Variants in ADAMTSL3 observed in about 807,000 individuals in gnomAD.
ADAMTSL3 encodes the protein ADAMTS like 3.
In ADAMTSL3, 128 loss-of-function variants were observed where a neutral mutation model predicts 201.7. The observed-to-expected ratio is 0.63, with a 90% CI of 0.55 to 0.73. ADAMTSL3 has a LOEUF of 0.73. Among genes scored for constraint, ADAMTSL3 ranks in the 30% least tolerant of loss-of-function variants. The pLI, the probability that ADAMTSL3 is intolerant of heterozygous loss-of-function variation, is 0.00. For missense variants in ADAMTSL3, 1,990 were observed against 2,119.6 expected, an observed-to-expected ratio of 0.94 and a Z score of 1.20; for synonymous variants, 738 against 748.4, an observed-to-expected ratio of 0.99 and a Z score of 0.23.
chr15:83,802,421 AT>A (rs1170612847), intron 4 of ADAMTSL3, among the ~76,000 whole-genome samples: 6 of 152,168 alleles, frequency 3.9e-5, no homozygotes, highest in Non-Finnish European at 8.8e-5. Context: ...TGTTTATAGC[AT>A]TTTTTCATAC....
chr15:83,859,751 A>T (rs1039469108), intron 8 of ADAMTSL3, among the ~76,000 whole-genome samples: 1 of 152,198 alleles, frequency 6.6e-6, no homozygotes, highest in African/African-American at 2.4e-5. Flanking sequence ...AACCAGGGAA[A>T]TTATCTGTAT....
chr15:83,804,618 ATTTCTTC>A, intron 4 of ADAMTSL3, 25 bp from the exon 5 acceptor site: 2 of 1,219,022 alleles, frequency 1.6e-6, no homozygotes, highest in South Asian at 1.6e-5. Flanking sequence ...TGAAATCATT[ATTTCTTC>A]TTTCTTCTTT....
intron 3 of ADAMTSL3, among the ~76,000 whole-genome samples, chr15:83,732,829 A>G (rs2062302960): frequency 6.6e-6 from 1 of 152,156 alleles, no homozygotes; most frequent in Non-Finnish European, 1.5e-5. Flanking sequence ...TTAAAGGGGT[A>G]TGTTTCTTTA....
intron 3 of ADAMTSL3, among the ~76,000 whole-genome samples, chr15:83,712,924 C>G (rs1317489030): frequency 6.6e-6 from 1 of 152,188 alleles, no homozygotes; most frequent in African/African-American, 2.4e-5. Flanking sequence ...TCTCTAATCT[C>G]AGACCCTTCT....
intron 3 of ADAMTSL3, among the ~76,000 whole-genome samples, chr15:83,725,265 T>C (rs1282761034): frequency 6.6e-6 from 1 of 152,218 alleles, no homozygotes; most frequent in Non-Finnish European, 1.5e-5. Flanking sequence ...AGTGAGATGA[T>C]ATCTCATTGT....
chr15:83,966,650 AAAG>A (rs1317206941), intron 19 of ADAMTSL3, among the ~76,000 whole-genome samples: 1 of 152,192 alleles, frequency 6.6e-6, no homozygotes, highest in Non-Finnish European at 1.5e-5. Flanking sequence ...AACAATAGAA[AAAG>A]AAGGACTCCT....
At chr15:83,949,210 G>A (rs567917563) in intron 19 of ADAMTSL3, among the ~76,000 whole-genome samples, 1 of 151,938 alleles carries the variant, frequency 6.6e-6, no homozygotes. Context: ...ATCTCCATGA[G>A]TTCAATTATT....
rs182294441 is a variant in ADAMTSL3, at chr15:83,843,242, C to A, written c.727+5027C>A. On this transcript the variant is annotated intron_variant, in intron 7 of 29. Coordinates refer to ENST00000286744, the MANE Select transcript of ADAMTSL3 (RefSeq NM_207517.3). ...TCCAGGTTAAGAACCCCTAAAATGT[C>A]CTTTTTTTTAAAAAAAATCAATTTC... Among the ~76,000 whole-genome samples the A allele has an allele frequency of 1.2e-4, 12 of 99,020 alleles. No homozygotes were observed. The Admixed American group carries it at 1.3e-3, about 10-fold the overall frequency. The allele number at this position is 99,020 out of a possible 152,430, so 65.0% of individuals were successfully genotyped here.
rs528889773 is a variant in ADAMTSL3, at chr15:83,773,025, G to A, written c.190-498G>A. 6.6e-5 allele frequency among the ~76,000 whole-genome samples: 10 copies of A among 152,094 alleles called. No homozygotes were observed. In the South Asian group the frequency reaches 8.3e-4, roughly 13 times the overall value. On this transcript the variant is annotated intron_variant, in intron 3 of 29. Transcript: ENST00000286744. ...TAATACTGAGCTTAAAAGCTATCTC[G>A]ACAAAACCTTAAGGTGGAAAGGCAT...
intron 19 of ADAMTSL3, among the ~76,000 whole-genome samples, chr15:83,949,363 G>T (rs1185640773): frequency 6.6e-6 from 1 of 152,126 alleles, no homozygotes. Flanking sequence ...TGGCTGAATA[G>T]TACTCCATTG....
intron 3 of ADAMTSL3, among the ~76,000 whole-genome samples, chr15:83,731,438 C>G (rs1408608967): frequency 6.6e-6 from 1 of 152,002 alleles, no homozygotes; most frequent in Admixed American, 6.6e-5. Flanking sequence ...AGAAAAGGAA[C>G]TCTTATATGC....
At chr15:83,913,516 A>T in intron 16 of ADAMTSL3, 138 bp downstream of exon 16, 1 of 932,140 alleles carries the variant, frequency 1.1e-6, no homozygotes, top group South Asian at 1.8e-5. Flanking sequence ...TGAAAATGAT[A>T]CTTTTTCTTC....
At chr15:83,757,793 C>G (rs1443102319) in intron 3 of ADAMTSL3, among the ~76,000 whole-genome samples, 2 of 152,200 alleles carry the variant, frequency 1.3e-5, no homozygotes, top group African/African-American at 2.4e-5. Context: ...GAATGCTTTG[C>G]TGCTTAGAAA....
chr15:83,924,575 T>C (rs1326692026), intron 17 of ADAMTSL3, among the ~76,000 whole-genome samples: 1 of 152,204 alleles, frequency 6.6e-6, no homozygotes, highest in African/African-American at 2.4e-5. Flanking sequence ...GTGATCTTCT[T>C]GATCTCTTTG....
At chr15:83,770,430 C>T (rs1382553406) in intron 3 of ADAMTSL3, among the ~76,000 whole-genome samples, 1 of 152,208 alleles carries the variant, frequency 6.6e-6, no homozygotes. Flanking sequence ...TGGTATGTTT[C>T]CAGCCTATAT....
At position 84,009,867 on chromosome 15, in the gene ADAMTSL3, G is replaced by C. The variant is rs919565065; in HGVS notation, c.3974-4675G>C. Among the ~76,000 whole-genome samples, 3 of 152,224 alleles carry C rather than the reference G, an allele frequency of 2.0e-5. No individual in the cohort carries two copies. The South Asian group carries it at 6.2e-4, about 31-fold the overall frequency. On this transcript the variant is annotated intron_variant, in intron 23 of 29. Transcript: ENST00000286744. ...CACAGCTTGTTTAGCCTGGCTGAAG[G>C]CCTCTGGTAAACCTTGTTTCAATGT...
intron 13 of ADAMTSL3, among the ~76,000 whole-genome samples, chr15:83,896,286 C>T (rs377078581): frequency 1.3e-5 from 2 of 152,184 alleles, no homozygotes; most frequent in East Asian, 3.9e-4. Flanking sequence ...CCCTCAGCCC[C>T]TCCCTGGGGT....
intron 2 of ADAMTSL3, among the ~76,000 whole-genome samples, chr15:83,683,874 A>T (rs1479963086): frequency 1.3e-5 from 2 of 152,172 alleles, no homozygotes; most frequent in Non-Finnish European, 2.9e-5. Flanking sequence ...TTTCCCTAAG[A>T]CATCTTAAAG....
At chr15:83,711,019 A>G (rs1279239768) in intron 3 of ADAMTSL3, among the ~76,000 whole-genome samples, 1 of 152,178 alleles carries the variant, frequency 6.6e-6, no homozygotes, top group Non-Finnish European at 1.5e-5. Flanking sequence ...TAATACTAAT[A>G]ATAACAATAA....
Sources: gnomAD v4.1 joint callset for allele counts (sites outside exome capture counted in the v4.1 genomes callset) on GRCh38, gnomAD v4.1.1 for gene constraint, MANE v1.5 for transcripts, NCBI Gene and HGNC (gene_info 2026-07-23, HGNC 2026-07-21) for gene names.